SAXO1: variants seen among roughly 807,000 people sequenced by gnomAD.
SAXO1 encodes stabilizer of axonemal microtubules 1, also known as 4930500O09Rik.
Under a neutral mutation model 17.5 loss-of-function variants are expected in SAXO1, and 21 were observed. The observed-to-expected ratio is 1.20, with a 90% CI of 0.85 to 1.72. The LOEUF (loss-of-function observed/expected upper bound fraction) is 1.72. Among genes scored for constraint, SAXO1 ranks in the 40% most tolerant of loss-of-function variants. The pLI is 0.00. For synonymous variants in SAXO1, 274 were observed against 216.5 expected, an observed-to-expected ratio of 1.27 and a Z score of -2.33; for missense variants, 843 against 596.0, an observed-to-expected ratio of 1.41 and a Z score of -4.32.
At chr9:19,034,300 T>G (rs997023691), upstream of SAXO1, among the ~76,000 whole-genome samples, 9 of 152,218 alleles carry the variant, frequency 5.9e-5, 1 homozygote, top group Admixed American at 2.6e-4. Context: ...TTTCCTTCAG[T>G]AATAGGCTCT....
rs561060413 is a variant in SAXO1, at chr9:18,967,402, C to A, written c.39-16465G>T. The stretch of plus-strand genomic sequence containing the variant: ...GGGAGATGGGAGTTTTATCTATAGA[C>A]CCCTGACTGGGGCTGTTGCCTTTCT... On this transcript the variant is annotated intron_variant, in intron 1 of 3. Coordinates refer to ENST00000380534, the MANE Select transcript of SAXO1 (RefSeq NM_153707.4). 7.5e-5 allele frequency among the ~76,000 whole-genome samples: 8 copies of A among 107,336 alleles called. No homozygotes were observed. In the East Asian group the frequency reaches 1.9e-3, roughly 25 times the overall value. 70.4% of individuals were successfully genotyped at this position (107,336 alleles called of 152,430 possible). A position where few individuals can be genotyped will look rare whatever the true frequency, so the allele number is the denominator to read the frequency against.
intron 1 of SAXO1, among the ~76,000 whole-genome samples, chr9:18,985,097 G>A (rs1053630239): frequency 2.0e-5 from 3 of 151,908 alleles, no homozygotes; most frequent in Admixed American, 6.6e-5. Context: ...TCAATACTGT[G>A]TCTCAATGAA....
At chr9:19,007,777 T>A (rs72696420) in intron 1 of SAXO1, among the ~76,000 whole-genome samples, 10,796 of 152,262 alleles carry the variant, frequency 0.071, 462 homozygotes, top group African/African-American at 0.11. Flanking sequence ...AGTTGAAAAA[T>A]TAACAGGGAT....
intron 1 of SAXO1, among the ~76,000 whole-genome samples, chr9:19,010,812 CT>C (rs1213826961): frequency 6.6e-6 from 1 of 152,150 alleles, no homozygotes; most frequent in Non-Finnish European, 1.5e-5. Flanking sequence ...GAAACCTTTC[CT>C]TTCTCAATAG....
rs148225057 is a variant in SAXO1 at position 18,944,011 on chromosome 9, C to G, written c.219-2172G>C. 7.9e-5 allele frequency among the ~76,000 whole-genome samples: 12 copies of G among 152,368 alleles called. No individual in the cohort carries two copies. The East Asian group carries it at 2.3e-3, about 29-fold the overall frequency. On this transcript the variant is annotated intron_variant, in intron 2 of 3. Coordinates refer to ENST00000380534, the MANE Select transcript of SAXO1 (RefSeq NM_153707.4). ...ACTAAAGCACGCTTATTGCGCATCTCCCACGGCTTCTACCGGAAAAGAGCA... is the reference window on the plus strand; with the variant it reads ...ACTAAAGCACGCTTATTGCGCATCTGCCACGGCTTCTACCGGAAAAGAGCA...
At chr9:19,022,625 G>A (rs1399286852) in intron 1 of SAXO1, among the ~76,000 whole-genome samples, 1 of 152,022 alleles carries the variant, frequency 6.6e-6, no homozygotes, top group South Asian at 2.1e-4. Flanking sequence ...ACTCATAATG[G>A]GTAGTTTCTA....
chr9:18,982,489 C>T (rs1424365902), intron 1 of SAXO1, among the ~76,000 whole-genome samples: 1 of 152,090 alleles, frequency 6.6e-6, no homozygotes, highest in Non-Finnish European at 1.5e-5. Context: ...ACAAAAGGAC[C>T]CGGGACAAGA....
At chr9:18,986,174 A>C (rs73431278) in intron 1 of SAXO1, among the ~76,000 whole-genome samples, 5,673 of 152,322 alleles carry the variant, frequency 0.037, 354 homozygotes, top group African/African-American at 0.13. Context: ...AAAGCAATTC[A>C]TTTACAGCTA....
chr9:19,011,897 G>C (rs1234480687), intron 1 of SAXO1, among the ~76,000 whole-genome samples: 1 of 143,134 alleles, frequency 7.0e-6, no homozygotes, highest in Non-Finnish European at 1.5e-5. Flanking sequence ...CCAGGCTAGA[G>C]TGCAGTGGCA....
In SAXO1 at chr9:18,928,720, T is replaced by C. The variant is rs1168509958; in HGVS notation, c.757A>G (p.Lys253Glu). Residue 253 changes from lysine (K) to glutamate (E), a missense_variant, in exon 4 of 4, where the codon AAG (lysine) becomes GAG (glutamate). Lys to Glu is a moderately conservative substitution (Grantham distance 56). Coordinates refer to ENST00000380534, the MANE Select transcript of SAXO1 (RefSeq NM_153707.4). The part of the protein sequence containing the change: ...SYRGLMGEPA[K>E]SLKPLARPPG... ...GGCCTGGCTAGAGGTTTCAAGCTCT[T>C]GGCAGGCTCCCCCATCAGGCCCCGG... 6.2e-7 allele frequency: 1 copy of C among 1,614,008 alleles called. No individual in the cohort carries two copies. The highest frequency in any genetic ancestry group is 2.2e-5 in the East Asian group (1 of 44,870).
intron 3 of SAXO1, among the ~76,000 whole-genome samples, chr9:18,938,270 A>T (rs2131689532): frequency 6.6e-6 from 1 of 152,316 alleles, no homozygotes; most frequent in African/African-American, 2.4e-5. Context: ...CACTGCTATA[A>T]AGAAATGCCT....
Position 18,928,507 on chromosome 9 carries a change from G to T in SAXO1, c.970C>A (p.Pro324Thr). Residue 324 changes from proline to threonine, a missense_variant, in exon 4 of 4, where the codon CCT (proline) becomes ACT (threonine). Transcript: ENST00000380534. ...PKGAPAQSCRPALQIKKCGRF... is the reference protein window; with the variant it reads ...PKGAPAQSCRTALQIKKCGRF... Reference sequence around the variant, plus strand: ...CCGCACTTCTTAATCTGAAGTGCAGGTCGGCAGGACTGAGCTGGGGCACCC... The same window carrying T: ...CCGCACTTCTTAATCTGAAGTGCAGTTCGGCAGGACTGAGCTGGGGCACCC... 2 of 1,613,934 alleles carry T rather than the reference G, an allele frequency of 1.2e-6. No homozygotes were observed. Among genetic ancestry groups the T allele is most frequent in the Non-Finnish European group, 1.7e-6 (2 of 1,179,922 alleles).
chr9:18,944,509 C>T (rs1410765438), intron 2 of SAXO1, among the ~76,000 whole-genome samples: 3 of 152,188 alleles, frequency 2.0e-5, no homozygotes, highest in South Asian at 4.1e-4. Context: ...ACTGGATCTC[C>T]CCTCTCTTTC....
chr9:19,004,442 A>C (rs1165021969), intron 1 of SAXO1, among the ~76,000 whole-genome samples: 3 of 152,234 alleles, frequency 2.0e-5, no homozygotes, highest in African/African-American at 7.2e-5. Flanking sequence ...CACTATTCAC[A>C]ATAGCAAAGA....
At chr9:18,998,990 A>T (rs1357772661) in intron 1 of SAXO1, among the ~76,000 whole-genome samples, 6 of 152,258 alleles carry the variant, frequency 3.9e-5, no homozygotes, top group Admixed American at 3.9e-4. Context: ...AGTACCAGCC[A>T]CTGCAAAAAC....
rs553696409 is a variant in SAXO1, at chr9:18,929,293, G to T, written c.422-238C>A. 4.6e-5 allele frequency among the ~76,000 whole-genome samples: 7 copies of T among 152,320 alleles called. No homozygotes were observed. In the East Asian group the frequency reaches 1.3e-3, roughly 29 times the overall value. ...CTCATCACACCCCACAATACTGCAT[G>T]CAGGGATCTTAGAGGGTCCATGGTC... On this transcript the variant is annotated intron_variant, in intron 3 of 3. Coordinates refer to ENST00000380534, the MANE Select transcript of SAXO1 (RefSeq NM_153707.4).
intron 1 of SAXO1, among the ~76,000 whole-genome samples, chr9:19,001,744 C>G (rs890857374): frequency 4.6e-5 from 7 of 151,664 alleles, no homozygotes; most frequent in Non-Finnish European, 8.8e-5. Flanking sequence ...ACATTTAAAG[C>G]AGTGTGTAGA....
At chr9:19,002,912 G>C (rs1834334958) in intron 1 of SAXO1, among the ~76,000 whole-genome samples, 1 of 152,176 alleles carries the variant, frequency 6.6e-6, no homozygotes, top group Non-Finnish European at 1.5e-5. Context: ...GCAAGAGAAA[G>C]AAATAAAAGG....
intron 2 of SAXO1, among the ~76,000 whole-genome samples, chr9:18,949,695 CA>C (rs1317382599): frequency 2.0e-5 from 3 of 152,004 alleles, no homozygotes; most frequent in Non-Finnish European, 2.9e-5. Flanking sequence ...CAGATGTTTC[CA>C]GTCCTATTCT....
Sources: gnomAD v4.1 joint callset for allele counts (sites outside exome capture counted in the v4.1 genomes callset) on GRCh38, gnomAD v4.1.1 for gene constraint, MANE v1.5 for transcripts, NCBI Gene and HGNC (gene_info 2026-07-23, HGNC 2026-07-21) for gene names.